The following CDH23 variants were observed in gnomAD, a reference collection of about 807,000 sequenced individuals.
The protein encoded by CDH23 is cadherin related 23.
CDH23 carries 189 observed loss-of-function variants against 317.1 expected under a neutral mutation model. The observed-to-expected ratio is 0.60, with a 90% confidence interval of 0.53 to 0.67. CDH23 has a LOEUF of 0.67. Ranked by LOEUF, CDH23 falls within the 30% of genes least tolerant of loss-of-function variation. The pLI is 0.00. For synonymous variants in CDH23, 1,839 were observed against 1,876.8 expected (o/e 0.98, Z 0.52); for missense variants, 4,401 against 4,592.4 (o/e 0.96, Z 1.20).
intron 6 of CDH23, among the ~76,000 whole-genome samples, chr10:71,564,351 G>A (rs1013993251): frequency 6.6e-6 from 1 of 152,194 alleles, no homozygotes; most frequent in African/African-American, 2.4e-5. Flanking sequence ...CAGGAAGTCA[G>A]CATTCTTTTC....
At chr10:71,612,959 A>G (rs974985141) in intron 9 of CDH23, among the ~76,000 whole-genome samples, 6 of 152,106 alleles carry the variant, frequency 3.9e-5, no homozygotes, top group Admixed American at 3.9e-4. Context: ...AGCGATTCTC[A>G]TGCCTCAGCC....
intron 44 of CDH23, among the ~76,000 whole-genome samples, chr10:71,786,226 G>T (rs1841101031): frequency 6.6e-6 from 1 of 152,226 alleles, no homozygotes; most frequent in Non-Finnish European, 1.5e-5. Context: ...ACTAAAGGGA[G>T]GTGGATGTTG....
At chr10:71,791,438 G>C (rs1156764055) in intron 47 of CDH23, 103 bp downstream of exon 47, 4 of 961,626 alleles carry the variant, frequency 4.2e-6, no homozygotes, top group Non-Finnish European at 6.4e-6. Context: ...CCAGTGGGGA[G>C]AAAGATGGGC....
At chr10:71,426,146 G>C (rs1400809641) in intron 1 of CDH23, among the ~76,000 whole-genome samples, 1 of 152,192 alleles carries the variant, frequency 6.6e-6, no homozygotes, top group Non-Finnish European at 1.5e-5. Context: ...CACTAGGAGT[G>C]GCCTTGGCCT....
chr10:71,687,783 A>C, intron 19 of CDH23, 64 bp downstream of exon 19: 1 of 1,458,646 alleles, frequency 6.9e-7, no homozygotes, highest in African/African-American at 1.4e-5. Flanking sequence ...CACGGCACCC[A>C]GGATGTGCAG....
chr10:71,720,965 C>T (rs969538154), intron 28 of CDH23, among the ~76,000 whole-genome samples: 65 of 152,326 alleles, frequency 4.3e-4, no homozygotes, highest in Non-Finnish European at 6.9e-4. Flanking sequence ...TTTCAATGCC[C>T]AGAGTCCCCA....
At chr10:71,526,958 G>A (rs141052120) in intron 6 of CDH23, among the ~76,000 whole-genome samples, 125 of 152,242 alleles carry the variant, frequency 8.2e-4, no homozygotes, top group African/African-American at 2.8e-3. Context: ...CTCGAGTGTC[G>A]GGCGCATGTG....
At chr10:71,781,220 A>G (rs982727203) in intron 41 of CDH23, among the ~76,000 whole-genome samples, 4 of 152,152 alleles carry the variant, frequency 2.6e-5, no homozygotes, top group South Asian at 2.1e-4. Context: ...GGCTGGGGGA[A>G]AAAACAACAA....
chr10:71,705,593 G>C lies in CDH23; in HGVS notation c.2953+463G>C, dbSNP rs562035075. 1.3e-4 allele frequency among the ~76,000 whole-genome samples: 20 copies of C among 152,326 alleles called. No homozygotes were observed. The East Asian group carries it at 3.9e-3, about 29-fold the overall frequency. ...TGGCAGTAGCAGGGCATCACCCTGGGAAGAGAGCAGCTGGGACTCCCAGAC... is the reference window on the plus strand; with the variant it reads ...TGGCAGTAGCAGGGCATCACCCTGGCAAGAGAGCAGCTGGGACTCCCAGAC... On this transcript the variant is annotated intron_variant, in intron 25 of 69. Transcript: ENST00000224721.
intron 6 of CDH23, among the ~76,000 whole-genome samples, chr10:71,516,176 A>G (rs1279540730): frequency 2.6e-5 from 4 of 152,212 alleles, no homozygotes; most frequent in African/African-American, 9.7e-5. Context: ...ACCTCACAGA[A>G]ACAAAGCCAG....
At chr10:71,681,795 A>G (rs74145288) in intron 17 of CDH23, among the ~76,000 whole-genome samples, 1 of 152,250 alleles carries the variant, frequency 6.6e-6, no homozygotes, top group South Asian at 2.1e-4. Context: ...TTAAATGAAA[A>G]TAAATAAAGG....
intron 6 of CDH23, among the ~76,000 whole-genome samples, chr10:71,539,662 T>C (rs146327719): frequency 6.6e-6 from 1 of 152,048 alleles, no homozygotes; most frequent in East Asian, 1.9e-4. Context: ...TCAAGCCCTC[T>C]CCCTCTCCTG....
intron 14 of CDH23, among the ~76,000 whole-genome samples, chr10:71,662,924 C>T (rs1863739052): frequency 6.6e-6 from 1 of 152,188 alleles, no homozygotes; most frequent in South Asian, 2.1e-4. Flanking sequence ...TCCTGCCTGG[C>T]CTTTCCCAGC....
chr10:71,470,478 G>A (rs1380755379), intron 3 of CDH23, among the ~76,000 whole-genome samples: 1 of 151,792 alleles, frequency 6.6e-6, no homozygotes, highest in Non-Finnish European at 1.5e-5. Flanking sequence ...TGTCCACTAT[G>A]GGACGTATTT....
chr10:71,680,395 C>T (rs753698153), intron 17 of CDH23, among the ~76,000 whole-genome samples: 3 of 152,160 alleles, frequency 2.0e-5, no homozygotes, highest in South Asian at 4.1e-4. Flanking sequence ...ACTCTGGGTC[C>T]AGTGGTCATT....
intron 9 of CDH23, among the ~76,000 whole-genome samples, chr10:71,601,961 A>G (rs867460752): frequency 0.027 from 3,678 of 137,958 alleles, 91 homozygotes; most frequent in South Asian, 0.056. Flanking sequence ...TGGGCGGCGG[A>G]GGGGGGGGGG....
intron 7 of CDH23, among the ~76,000 whole-genome samples, chr10:71,569,268 A>C (rs1857617923): frequency 6.6e-6 from 1 of 152,068 alleles, no homozygotes; most frequent in Non-Finnish European, 1.5e-5. Flanking sequence ...GTCCCTGAGG[A>C]TTCCTAAAGA....
At chr10:71,783,386 G>T (rs919135834) in intron 41 of CDH23, among the ~76,000 whole-genome samples, 1 of 152,214 alleles carries the variant, frequency 6.6e-6, no homozygotes, top group Non-Finnish European at 1.5e-5. Flanking sequence ...CACAAGTCCT[G>T]TGCGAGGCAA....
intron 38 of CDH23, among the ~76,000 whole-genome samples, chr10:71,744,377 G>A (rs1347189589): frequency 6.6e-6 from 1 of 152,146 alleles, no homozygotes; most frequent in Non-Finnish European, 1.5e-5. Context: ...AGACCCTGCA[G>A]TTTGTAGGCA....
Sources: allele counts gnomAD v4.1 joint callset (sites outside exome capture counted in the v4.1 genomes callset), GRCh38; gene constraint gnomAD v4.1.1; transcripts MANE v1.5; gene names NCBI Gene and HGNC (gene_info 2026-07-23, HGNC 2026-07-21).